The following BCAS3 variants were observed in gnomAD, a reference collection of about 807,000 sequenced individuals.
BCAS3 encodes BCAS3 microtubule associated cell migration factor, also known as BCAS4/BCAS3 fusion.
A neutral mutation model predicts 116.1 loss-of-function variants in BCAS3; 53 were observed. The ratio of observed to expected loss-of-function variants is 0.46; its 90% CI spans 0.37 to 0.57. The LOEUF is 0.57. Ranked by LOEUF, BCAS3 falls within the 20% of genes least tolerant of loss-of-function variation. The pLI, the probability that BCAS3 is intolerant of heterozygous loss-of-function variation, is 0.00. For synonymous variants in BCAS3, 391 were observed against 408.2 expected, an observed-to-expected ratio of 0.96 and a Z score of 0.51; for missense variants, 917 against 1,165.4, an observed-to-expected ratio of 0.79 and a Z score of 3.10.
chr17:61,145,363 G>A lies in BCAS3; in HGVS notation c.2425+60799G>A, dbSNP rs981559563. ...AAAGGAGCAGCCTGACCAAATTTAC[G>A]CTCACAAGATCTCTTAATTCACAAA... is the stretch of plus-strand genomic sequence containing the variant. On this transcript the variant is annotated intron_variant, in intron 22 of 23. Transcript: ENST00000407086. This position sits in a 1 kb window ranked among gnomAD's most constrained non-coding sequence, Gnocchi z 5.0. 2.6e-5 allele frequency among the ~76,000 whole-genome samples: 4 copies of A among 152,168 alleles called. No individual in the cohort carries two copies. Among genetic ancestry groups the A allele is most frequent in the African/African-American group, 7.2e-5 (3 of 41,426 alleles).
intron 14 of BCAS3, among the ~76,000 whole-genome samples, chr17:60,948,923 C>T (rs990493039): frequency 6.6e-6 from 1 of 151,160 alleles, no homozygotes; most frequent in African/African-American, 2.4e-5. Context: ...GTTGCCCAGA[C>T]TGGAGTGCAG....
chr17:60,995,839 C>A lies in BCAS3; in HGVS notation c.1486+5604C>A, dbSNP rs2063803344. The stretch of plus-strand genomic sequence containing the variant: ...ACAAAAGAGAAACATGTCTGTGTTC[C>A]CATGGAGCCACAGAGAAAAATGAGG... On this transcript the variant is annotated intron_variant, in intron 15 of 23. Coordinates refer to ENST00000407086, the MANE Select transcript of BCAS3 (RefSeq NM_017679.5). The surrounding 1 kb of genome is among the most constrained non-coding windows in gnomAD (Gnocchi z 4.7). Among the ~76,000 whole-genome samples the A allele has an allele frequency of 6.6e-6, 1 of 151,974 alleles. No homozygotes were observed.
At chr17:61,093,714 A>T (rs1002219139) in intron 22 of BCAS3, among the ~76,000 whole-genome samples, 14 of 152,214 alleles carry the variant, frequency 9.2e-5, no homozygotes, top group African/African-American at 3.4e-4. Context: ...ATGCCTTTTT[A>T]AAATTTTTAT....
At chr17:61,284,418 C>T (rs140550402) in intron 22 of BCAS3, among the ~76,000 whole-genome samples, 6 of 152,258 alleles carry the variant, frequency 3.9e-5, no homozygotes, top group African/African-American at 9.6e-5. Context: ...ACGAACCGAC[C>T]GGAAGGAAGA....
intron 23 of BCAS3, among the ~76,000 whole-genome samples, chr17:61,374,655 A>G (rs1193664535): frequency 6.6e-6 from 1 of 152,198 alleles, no homozygotes; most frequent in Non-Finnish European, 1.5e-5. Context: ...TGCCCTAGCC[A>G]GAAGTAGTTA....
chr17:61,094,798 C>T lies in BCAS3; in HGVS notation c.2425+10234C>T, dbSNP rs559933925. ...GGCAGAGGTTGCAGTGAGCCAAGAT[C>T]GTGCCATTGCACTCCAGCCTGGGCA... is the stretch of plus-strand genomic sequence containing the variant. On this transcript the variant is annotated intron_variant, in intron 22 of 23. Transcript: ENST00000407086. Among the ~76,000 whole-genome samples, 51 of 152,122 alleles carry T rather than the reference C, an allele frequency of 3.4e-4. No homozygotes were observed. The South Asian group carries it at 5.8e-3, about 17-fold the overall frequency.
intron 4 of BCAS3, among the ~76,000 whole-genome samples, chr17:60,706,641 A>C (rs1174976817): frequency 6.6e-6 from 1 of 151,904 alleles, no homozygotes; most frequent in Admixed American, 6.6e-5. Flanking sequence ...CTGGGACAAC[A>C]TGACAAAACC....
chr17:60,871,945 A>G (rs1377732267), intron 8 of BCAS3, among the ~76,000 whole-genome samples: 1 of 151,572 alleles, frequency 6.6e-6, no homozygotes, highest in African/African-American at 2.4e-5. Flanking sequence ...TATTTTTCTT[A>G]AATCTTTTGA....
Position 61,004,025 on chromosome 17 carries a change from G to A in BCAS3, c.1487-11726G>A, listed in dbSNP as rs1341050674. The A allele has an allele frequency of 1.3e-5, 2 of 152,096 alleles. No homozygotes were observed. The highest frequency in any genetic ancestry group is 2.4e-5 in the African/African-American group (1 of 41,428). The allele number at this position is 152,096 out of a possible 1,614,324, so 9.4% of individuals were successfully genotyped here. ...GGGGTTGGGGTAATAAAGAGTTTCT[G>A]GCAATAAACTTAGAAGTTAGTTTTC... On this transcript the variant is annotated intron_variant, in intron 15 of 23. Transcript: ENST00000407086. The surrounding 1 kb of genome is among the most constrained non-coding windows in gnomAD (Gnocchi z 4.8).
intron 22 of BCAS3, among the ~76,000 whole-genome samples, chr17:61,094,444 A>G (rs2073833940): frequency 6.6e-6 from 1 of 152,236 alleles, no homozygotes; most frequent in African/African-American, 2.4e-5. Flanking sequence ...TTCGAAGAAA[A>G]CAACTAACAA....
At chr17:61,287,542 A>C (rs936817415) in intron 22 of BCAS3, among the ~76,000 whole-genome samples, 1 of 151,924 alleles carries the variant, frequency 6.6e-6, no homozygotes, top group African/African-American at 2.4e-5. Flanking sequence ...CCTAAGCAAC[A>C]TAGTGAGACC....
chr17:60,802,327 T>C (rs28828187), intron 6 of BCAS3, among the ~76,000 whole-genome samples: 1 of 145,210 alleles, frequency 6.9e-6, no homozygotes, highest in East Asian at 2.0e-4. Context: ...TGCACACACA[T>C]ATATTTATAT....
At chr17:60,756,496 G>GCTTC (rs2043000728) in intron 6 of BCAS3, among the ~76,000 whole-genome samples, 1 of 152,128 alleles carries the variant, frequency 6.6e-6, no homozygotes, top group East Asian at 1.9e-4. Context: ...AGTTTCTTTA[G>GCTTC]CTTCCACATA....
chr17:60,751,261 G>A (rs1278355085), intron 6 of BCAS3, among the ~76,000 whole-genome samples: 1 of 151,970 alleles, frequency 6.6e-6, no homozygotes, highest in Non-Finnish European at 1.5e-5. Flanking sequence ...ACCTAGATCT[G>A]CTTTAGGATT....
rs1012367443 is a variant in BCAS3 at position 61,082,784 on chromosome 17, A to G, written c.2328-1683A>G. 1.3e-4 allele frequency among the ~76,000 whole-genome samples: 20 copies of G among 152,210 alleles called. No homozygotes were observed. Among genetic ancestry groups the G allele is most frequent in the African/African-American group, 4.8e-4 (20 of 41,458 alleles). On this transcript the variant is annotated intron_variant, in intron 21 of 23. Transcript: ENST00000407086. This position sits in a 1 kb window ranked among gnomAD's most constrained non-coding sequence, Gnocchi z 5.1. The stretch of plus-strand genomic sequence containing the variant: ...GATGAGATTACCATGATTGGCTTAG[A>G]AAAATTAGCTGGGGTGGAATGAATA...
At chr17:60,679,363 CTCTAGTGAGTAA>C in intron 1 of BCAS3, 78 bp from the exon 2 acceptor site, 1 of 872,816 alleles carries the variant, frequency 1.1e-6, no homozygotes, top group Non-Finnish European at 1.8e-6. Context: ...GACAAGGGAT[CTCTAGTGAGTAA>C]TCATAAATCT....
intron 14 of BCAS3, among the ~76,000 whole-genome samples, chr17:60,955,382 C>A (rs2061068879): frequency 7.4e-6 from 1 of 135,644 alleles, no homozygotes; most frequent in African/African-American, 3.7e-5. Context: ...TTCAGGGAAA[C>A]TGAATTTTTT....
intron 19 of BCAS3, among the ~76,000 whole-genome samples, chr17:61,047,269 A>G (rs1314076685): frequency 2.0e-5 from 3 of 152,040 alleles, no homozygotes; most frequent in Non-Finnish European, 4.4e-5. Flanking sequence ...AGATCATACT[A>G]GAATGTTCCA....
rs542712309 is a variant in BCAS3 at position 61,095,772 on chromosome 17, C to T, written c.2425+11208C>T. Among the ~76,000 whole-genome samples the T allele has an allele frequency of 2.1e-3, 313 of 151,620 alleles. 1 individual carries two copies. Among genetic ancestry groups the T allele is most frequent in the African/African-American group, 7.4e-3 (306 of 41,324 alleles). On this transcript the variant is annotated intron_variant, in intron 22 of 23. Coordinates refer to ENST00000407086, the MANE Select transcript of BCAS3 (RefSeq NM_017679.5). This position sits in a 1 kb window ranked among gnomAD's most constrained non-coding sequence, Gnocchi z 4.7. Reference sequence around the variant, plus strand: ...ATTAGCCACCGCACCTGACTGGGGTCCTGAGTTTTTTTAAGCACACTGGGA... The same window carrying T: ...ATTAGCCACCGCACCTGACTGGGGTTCTGAGTTTTTTTAAGCACACTGGGA...
Sources: gnomAD v4.1 joint callset for allele counts (sites outside exome capture counted in the v4.1 genomes callset) on GRCh38, gnomAD v4.1.1 for gene constraint, Gnocchi (gnomAD v3.1) non-coding constraint, MANE v1.5 for transcripts, NCBI Gene and HGNC (gene_info 2026-07-23, HGNC 2026-07-21) for gene names.